The following GRIP1 variants were observed in gnomAD, a reference collection of about 807,000 sequenced individuals.
GRIP1 encodes the protein glutamate receptor interacting protein 1.
In GRIP1, 45 loss-of-function variants were observed where a neutral mutation model predicts 129.9. That is an observed-to-expected ratio of 0.35 (90% CI 0.27 to 0.44). The LOEUF is 0.44. Ranked by LOEUF, GRIP1 falls within the 20% of genes least tolerant of loss-of-function variation. GRIP1 has a pLI of 1.00. For synonymous variants in GRIP1, 530 were observed against 520.8 expected (o/e 1.02, Z -0.24); for missense variants, 1,196 against 1,396.8 (o/e 0.86, Z 2.29).
At position 67,060,965 on chromosome 12, in the gene GRIP1, G is replaced by A. The variant is rs146831023; in HGVS notation, c.58+8085C>T. Among the ~76,000 whole-genome samples the A allele has an allele frequency of 3.5e-3, 530 of 152,280 alleles. 11 individuals carry two copies. The highest frequency in any genetic ancestry group is 9.3e-4 in the Non-Finnish European group (63 of 68,020). ...TTGTCAGAAGCCTGGACTGAAAGAA[G>A]CAGATAAGTAACACCAGGGAGTGGC... On this transcript the variant is annotated intron_variant, in intron 1 of 1. Transcript: ENST00000643019.
At chr12:66,929,323 C>T (rs2041348725) in intron 1 of GRIP1, among the ~76,000 whole-genome samples, 1 of 152,186 alleles carries the variant, frequency 6.6e-6, no homozygotes, top group Admixed American at 6.5e-5. Context: ...GACCACCCTA[C>T]CTAACTGGGG....
intron 7 of GRIP1, among the ~76,000 whole-genome samples, chr12:66,491,036 G>A (rs1326244265): frequency 6.6e-6 from 1 of 152,202 alleles, no homozygotes; most frequent in African/African-American, 2.4e-5. Context: ...TTCAACCATT[G>A]TGGAAGACAG....
Position 66,529,908 on chromosome 12 carries a change from T to C in GRIP1, c.425A>G (p.Gln142Arg). The change falls in exon 5 of 25, where the codon CAA (glutamine) becomes CGA (arginine). Residue 142 changes from glutamine to arginine, a missense_variant. Transcript: ENST00000359742. ...VEYELPPVSVQGSSVIFRTVE... is the reference protein window; with the variant it reads ...VEYELPPVSVRGSSVIFRTVE... Reference sequence around the variant, plus strand: ...TGTTCGGAAAATAACACTTGATCCTTGCACAGCTGAATAAAGGAAAGAGAG... The same window carrying C: ...TGTTCGGAAAATAACACTTGATCCTCGCACAGCTGAATAAAGGAAAGAGAG... 1 of 1,572,290 alleles carries C rather than the reference T, an allele frequency of 6.4e-7. No individual in the cohort carries two copies. The highest frequency in any genetic ancestry group is 1.1e-5 in the South Asian group (1 of 90,328).
intron 1 of GRIP1, among the ~76,000 whole-genome samples, chr12:66,694,214 T>C (rs553950436): frequency 6.6e-6 from 1 of 152,266 alleles, no homozygotes; most frequent in East Asian, 1.9e-4. Flanking sequence ...CCAGCATGAT[T>C]TGAGTTGTGA....
chr12:66,608,667 T>C (rs966717191), intron 1 of GRIP1, among the ~76,000 whole-genome samples: 4 of 152,138 alleles, frequency 2.6e-5, no homozygotes, highest in African/African-American at 9.7e-5. Flanking sequence ...ATCAACACCA[T>C]TTTCAACTCA....
intron 1 of GRIP1, among the ~76,000 whole-genome samples, chr12:67,013,530 C>A (rs184225241): frequency 6.6e-6 from 1 of 152,214 alleles, no homozygotes; most frequent in East Asian, 1.9e-4. Context: ...AAGCAGAAAA[C>A]CTCTGAATAT....
At chr12:66,588,802 C>G (rs1479523237) in intron 2 of GRIP1, among the ~76,000 whole-genome samples, 1 of 151,644 alleles carries the variant, frequency 6.6e-6, no homozygotes, top group African/African-American at 2.4e-5. Context: ...AACCCCATCT[C>G]TACTAAAAAT....
intron 1 of GRIP1, among the ~76,000 whole-genome samples, chr12:66,859,987 G>C (rs959712167): frequency 6.6e-6 from 1 of 152,036 alleles, no homozygotes; most frequent in African/African-American, 2.4e-5. Context: ...TCCTGATGTA[G>C]AAACTCAGAT....
chr12:66,641,339 G>A (rs528651469), intron 1 of GRIP1, among the ~76,000 whole-genome samples: 2 of 145,288 alleles, frequency 1.4e-5, no homozygotes, highest in South Asian at 2.2e-4. Context: ...AAACCATGTG[G>A]GACATCTGAG....
chr12:66,472,896 G>A (rs1033827188), intron 7 of GRIP1, among the ~76,000 whole-genome samples: 17 of 152,266 alleles, frequency 1.1e-4, no homozygotes, highest in Admixed American at 5.2e-4. Context: ...AAAACTGGGC[G>A]GCCACTTGGA....
chr12:67,014,498 A>C (rs2042755294), intron 1 of GRIP1, among the ~76,000 whole-genome samples: 1 of 152,158 alleles, frequency 6.6e-6, no homozygotes, highest in African/African-American at 2.4e-5. Flanking sequence ...GTAATTCAAA[A>C]TAGAGGCAAA....
chr12:66,821,072 G>A (rs1040632336), intron 1 of GRIP1, among the ~76,000 whole-genome samples: 193 of 152,268 alleles, frequency 1.3e-3, no homozygotes, highest in African/African-American at 3.9e-3. Flanking sequence ...GGTGGAGGAT[G>A]TTGATAATGG....
At chr12:66,534,663 C>G (rs2061555558) in intron 4 of GRIP1, among the ~76,000 whole-genome samples, 1 of 151,196 alleles carries the variant, frequency 6.6e-6, no homozygotes, top group Non-Finnish European at 1.5e-5. Context: ...TCTTCCCTTC[C>G]TCCCTTCCTT....
chr12:66,958,947 T>C (rs1259960222), intron 1 of GRIP1, among the ~76,000 whole-genome samples: 1 of 152,218 alleles, frequency 6.6e-6, no homozygotes, highest in Non-Finnish European at 1.5e-5. Flanking sequence ...TCTATTGTTA[T>C]TGTTACTTTT....
intron 1 of GRIP1, among the ~76,000 whole-genome samples, chr12:66,919,475 T>C (rs1397581938): frequency 6.6e-6 from 1 of 152,186 alleles, no homozygotes; most frequent in East Asian, 1.9e-4. Context: ...GGGGAAAAAT[T>C]GCAAATTCTT....
At chr12:66,960,115 T>G (rs1042283532) in intron 1 of GRIP1, among the ~76,000 whole-genome samples, 3 of 152,120 alleles carry the variant, frequency 2.0e-5, no homozygotes, top group Admixed American at 6.6e-5. Flanking sequence ...TTGTTAAGGA[T>G]TTGGGTCCTT....
At chr12:66,953,226 T>A (rs775885392) in intron 1 of GRIP1, among the ~76,000 whole-genome samples, 17 of 152,154 alleles carry the variant, frequency 1.1e-4, no homozygotes, top group Non-Finnish European at 2.2e-4. Flanking sequence ...AAAGGACAGA[T>A]ACAACCCAGG....
At chr12:66,927,219 T>A (rs1035799969) in intron 1 of GRIP1, among the ~76,000 whole-genome samples, 4 of 152,192 alleles carry the variant, frequency 2.6e-5, no homozygotes, top group African/African-American at 9.6e-5. Context: ...CTGTTATACA[T>A]CCCTTTATTA....
At chr12:66,936,770 G>T (rs1221692936) in intron 1 of GRIP1, among the ~76,000 whole-genome samples, 1 of 152,148 alleles carries the variant, frequency 6.6e-6, no homozygotes, top group East Asian at 1.9e-4. Context: ...CATTAGAACT[G>T]CATTAAAGCA....
Sources: allele counts gnomAD v4.1 joint callset (sites outside exome capture counted in the v4.1 genomes callset), GRCh38; gene constraint gnomAD v4.1.1; transcripts MANE v1.5; gene names NCBI Gene and HGNC (gene_info 2026-07-23, HGNC 2026-07-21).